The following GPHN variants were observed in gnomAD, a reference collection of about 807,000 sequenced individuals.
GPHN encodes the protein gephyrin.
Under a neutral mutation model 95.5 loss-of-function variants are expected in GPHN, and 17 were observed. That is an observed-to-expected ratio of 0.18 (90% CI 0.12 to 0.27). The LOEUF (loss-of-function observed/expected upper bound fraction) is 0.27. GPHN is among the 10% of genes least tolerant of loss of function. GPHN has a pLI of 1.00. For missense variants in GPHN, 660 were observed against 978.1 expected (o/e 0.67, Z 4.34); for synonymous variants, 320 against 322.5 (o/e 0.99, Z 0.08).
In GPHN at chr14:66,923,551, G is replaced by A. The variant is rs2066328391; in HGVS notation, c.729+613G>A. Among the ~76,000 whole-genome samples, 2 of 152,056 alleles carry A rather than the reference G, an allele frequency of 1.3e-5. 1 individual carries two copies. The highest frequency in any genetic ancestry group is 4.1e-4 in the South Asian group (2 of 4,832). Reference sequence around the variant, plus strand: ...ACAAATTCTCTTTGGGCAACTCCATGGGTAAATATACTACCATGAGTTACT... The same window carrying A: ...ACAAATTCTCTTTGGGCAACTCCATAGGTAAATATACTACCATGAGTTACT... On this transcript the variant is annotated intron_variant, in intron 7 of 22. Transcript: ENST00000478722.
chr14:66,963,702 TCTTG>T (rs1219079903), intron 8 of GPHN, among the ~76,000 whole-genome samples: 6 of 152,124 alleles, frequency 3.9e-5, no homozygotes, highest in African/African-American at 1.4e-4. Flanking sequence ...AATGGAGTCG[TCTTG>T]CTTCTCAAAA....
chr14:67,388,170 G>T, the GPHN span: 1 of 1,119,570 alleles, frequency 8.9e-7, no homozygotes, highest in Non-Finnish European at 1.4e-6. Context: ...CATTACTGAG[G>T]TGCAGGAGGG....
At chr14:66,559,999 C>G (rs965497971) in intron 1 of GPHN, among the ~76,000 whole-genome samples, 3 of 152,166 alleles carry the variant, frequency 2.0e-5, no homozygotes, top group Admixed American at 1.3e-4. Flanking sequence ...AATAGGGAAT[C>G]CTTTCCCCAT....
chr14:67,638,424 G>A, the GPHN span, among the ~76,000 whole-genome samples: 53 of 152,128 alleles, frequency 3.5e-4, no homozygotes, highest in African/African-American at 1.2e-3. Context: ...AGTAAAACCC[G>A]GGCAGTAGGT....
chr14:67,081,392 G>T (rs940689440), intron 11 of GPHN, among the ~76,000 whole-genome samples: 1 of 151,884 alleles, frequency 6.6e-6, no homozygotes, highest in Non-Finnish European at 1.5e-5. Flanking sequence ...TTGACCATTT[G>T]TATATCTTCT....
the GPHN span, among the ~76,000 whole-genome samples, chr14:67,655,887 G>A: frequency 6.6e-6 from 1 of 152,112 alleles, no homozygotes; most frequent in African/African-American, 2.4e-5. Context: ...AAAATTTCCA[G>A]TGATGTCTAA....
the GPHN span, chr14:67,374,360 A>T: frequency 1.8e-6 from 1 of 561,130 alleles, no homozygotes; most frequent in Non-Finnish European, 3.1e-6. Context: ...TTTAGTAGGA[A>T]ATAATTATAA....
At position 67,168,934 on chromosome 14, in the gene GPHN, G is replaced by T. The variant is rs777015801; in HGVS notation, c.1977G>T (p.Gly659=). The T allele has an allele frequency of 5.0e-6, 8 of 1,599,020 alleles. No individual in the cohort carries two copies. The highest frequency in any genetic ancestry group is 6.9e-6 in the Non-Finnish European group (8 of 1,166,344). The change falls in exon 21 of 23, where the codon GGG becomes GGT. Residue 659 remains glycine, a splice_region_variant and synonymous_variant. Transcript: ENST00000478722. ...GVRKIIFALP[G]NPVSAVVTCN... ...AATAACTGCTTGGTTGACTTTCAGG[G>T]AATCCTGTATCGGCTGTGGTCACCT...
chr14:67,647,251 TTTTC>T, the GPHN span: 1 of 438,442 alleles, frequency 2.3e-6, no homozygotes, highest in Non-Finnish European at 4.0e-6. Context: ...TCTCATGAAT[TTTTC>T]TTTATCTCCA....
chr14:66,776,181 G>A (rs897123245), intron 2 of GPHN, among the ~76,000 whole-genome samples: 1 of 152,102 alleles, frequency 6.6e-6, no homozygotes, highest in African/African-American at 2.4e-5. Context: ...ACAGAATACG[G>A]CAGTAAAAGT....
At position 67,108,752 on chromosome 14, in the gene GPHN, T is replaced by C. The variant is rs189137379; in HGVS notation, c.1294-1388T>C. Among the ~76,000 whole-genome samples, 139 of 149,872 alleles carry C rather than the reference T, an allele frequency of 9.3e-4. 2 individuals are homozygous for C. The highest frequency in any genetic ancestry group is 4.0e-4 in the Non-Finnish European group (27 of 67,354). On this transcript the variant is annotated intron_variant, in intron 13 of 22. Transcript: ENST00000478722. ...GTGTGTGTGTGTGTGTGTGTGTGTG[T>C]GGTTTATTTTACTTTGTCTTATTTT... is the stretch of plus-strand genomic sequence containing the variant.
At chr14:66,562,999 T>C (rs1712342407) in intron 1 of GPHN, among the ~76,000 whole-genome samples, 2 of 152,022 alleles carry the variant, frequency 1.3e-5, no homozygotes, top group Non-Finnish European at 2.9e-5. Context: ...GTGTAAGATA[T>C]ATTCACAGGT....
intron 11 of GPHN, among the ~76,000 whole-genome samples, chr14:67,079,731 A>G (rs923467032): frequency 1.3e-5 from 2 of 152,036 alleles, no homozygotes; most frequent in African/African-American, 4.8e-5. Flanking sequence ...CGCAAATTCA[A>G]AACTCTCTAT....
chr14:66,694,889 G>A (rs1473088547), intron 2 of GPHN, among the ~76,000 whole-genome samples: 1 of 152,232 alleles, frequency 6.6e-6, no homozygotes, highest in Non-Finnish European at 1.5e-5. Context: ...CGAGCGCAGT[G>A]GCTCACGCCT....
chr14:67,164,682 G>A (rs1033196326), intron 19 of GPHN, among the ~76,000 whole-genome samples: 1 of 151,944 alleles, frequency 6.6e-6, no homozygotes, highest in African/African-American at 2.4e-5. Context: ...AGTAGAGACA[G>A]GGTTTCACCA....
Position 67,003,475 on chromosome 14 carries a change from A to G in GPHN, c.964-20158A>G, listed in dbSNP as rs17103804. Among the ~76,000 whole-genome samples, 1,036 of 151,802 alleles carry G rather than the reference A, an allele frequency of 6.8e-3. 15 individuals are homozygous for G. The highest frequency in any genetic ancestry group is 0.023 in the African/African-American group (962 of 41,534). ...TTCTAACAGAATCCAGCCTACTTCA[A>G]GGCATTTTACCTGACAAATTCTGAG... On this transcript the variant is annotated intron_variant, in intron 9 of 22. Transcript: ENST00000478722.
At chr14:66,877,560 CA>C (rs1308537612) in intron 4 of GPHN, among the ~76,000 whole-genome samples, 1 of 152,126 alleles carries the variant, frequency 6.6e-6, no homozygotes, top group African/African-American at 2.4e-5. Flanking sequence ...AATCAATGCA[CA>C]AAAATCACAA....
the GPHN span, among the ~76,000 whole-genome samples, chr14:67,259,001 C>T: frequency 2.6e-5 from 4 of 151,536 alleles, no homozygotes; most frequent in African/African-American, 9.7e-5. Flanking sequence ...TGCCACCATG[C>T]CTGGCTAATT....
At chr14:66,895,469 G>C (rs1045424158) in intron 5 of GPHN, among the ~76,000 whole-genome samples, 1 of 151,922 alleles carries the variant, frequency 6.6e-6, no homozygotes, top group African/African-American at 2.4e-5. Context: ...TAACAAACCT[G>C]CACATTGTGC....
Sources: allele counts gnomAD v4.1 joint callset (sites outside exome capture counted in the v4.1 genomes callset), GRCh38; gene constraint gnomAD v4.1.1; transcripts MANE v1.5; gene names NCBI Gene and HGNC (gene_info 2026-07-23, HGNC 2026-07-21).